Variants in DNASE1L3 observed in about 807,000 individuals in gnomAD.
The protein encoded by DNASE1L3 is deoxyribonuclease 1L3, also known as deoxyribonuclease gamma.
In DNASE1L3, 27 loss-of-function variants were observed where a neutral mutation model predicts 30.9. The ratio of observed to expected loss-of-function variants is 0.87; its 90% CI spans 0.64 to 1.20. DNASE1L3 has a LOEUF of 1.20. Among genes scored for constraint, DNASE1L3 ranks in the 50% most tolerant of loss-of-function variants. The pLI is 0.00. For synonymous variants in DNASE1L3, 135 were observed against 138.0 expected (o/e 0.98, Z 0.15); for missense variants, 364 against 378.2 (o/e 0.96, Z 0.31).
chr3:58,204,751 G>A lies in DNASE1L3; in HGVS notation c.433+18C>T, dbSNP rs762990904. 36 of 1,607,506 alleles carry A rather than the reference G, an allele frequency of 2.2e-5. 1 individual carries two copies. The South Asian group carries it at 3.7e-4, about 17-fold the overall frequency. Reference sequence around the variant, plus strand: ...CCGTTGGGGAGGTCCCAGACAGAAAGGCCTGTGTGGGTCTTACCAGTGTGG... The same window carrying A: ...CCGTTGGGGAGGTCCCAGACAGAAAAGCCTGTGTGGGTCTTACCAGTGTGG... On this transcript the variant is annotated intron_variant, in intron 4 of 7. Transcript: ENST00000394549.
chr3:58,199,738 C>T (rs1411831163), intron 5 of DNASE1L3, among the ~76,000 whole-genome samples: 1 of 151,804 alleles, frequency 6.6e-6, no homozygotes, highest in Non-Finnish European at 1.5e-5. Context: ...CACTTTTAGG[C>T]CACTGATGCC....
chr3:58,208,055 A>C, intron 2 of DNASE1L3, 163 bp downstream of exon 2: 1 of 569,988 alleles, frequency 1.8e-6, no homozygotes, highest in Admixed American at 3.0e-5. Context: ...ACTGGTTGAA[A>C]GTTCTCAGGA....
Position 58,201,049 on chromosome 3 carries a change from A to T in DNASE1L3, c.494T>A (p.Ile165Asn). The T allele has an allele frequency of 6.2e-7, 1 of 1,613,020 alleles. No homozygotes were observed. The highest frequency in any genetic ancestry group is 8.5e-7 in the Non-Finnish European group (1 of 1,179,466). ...HTTPETSVKE[I>N]DELVEVYTDV... ...CGTGTAGACCTCAACCAACTCATCG[A>T]TCTCCTTAACGGATGTCTCTGGGGT... The change falls in exon 5 of 8, where the codon ATC becomes AAC. Residue 165 changes from isoleucine (I) to asparagine (N), a missense_variant. Ile to Asn is a moderately radical substitution (Grantham distance 149, BLOSUM62 -3). Coordinates refer to ENST00000394549, the MANE Select transcript of DNASE1L3 (RefSeq NM_004944.4).
At chr3:58,208,998 G>T (rs1397122875) in intron 1 of DNASE1L3, among the ~76,000 whole-genome samples, 1 of 152,164 alleles carries the variant, frequency 6.6e-6, no homozygotes, top group Non-Finnish European at 1.5e-5. Flanking sequence ...CCAGCACTTT[G>T]GGAGGCCAAG....
rs775093470 is a variant in DNASE1L3, at chr3:58,192,779, G to C, written c.826C>G (p.Pro276Ala). 1 of 1,614,056 alleles carries C rather than the reference G, an allele frequency of 6.2e-7. No homozygotes were observed. The highest frequency in any genetic ancestry group is 1.7e-5 in the Admixed American group (1 of 60,016). ...EEALDVSDHF[P>A]VEFKLQSSRA... ...GAAGACTGTAGTTTAAATTCAACTG[G>C]AAAGTGGTCGCTGACATCCAGGGCC... is the stretch of plus-strand genomic sequence containing the variant. Residue 276 changes from proline (P) to alanine (A), a missense_variant, in exon 8 of 8, where the codon CCA becomes GCA. By Grantham distance (27) the Pro-to-Ala change is conservative. Transcript: ENST00000394549. This position sits in a 1 kb window ranked among gnomAD's most constrained non-coding sequence, Gnocchi z 4.8.
intron 6 of DNASE1L3, among the ~76,000 whole-genome samples, 200 bp from the exon 7 acceptor site, chr3:58,193,639 T>C (rs562100995): frequency 2.0e-5 from 3 of 152,220 alleles, no homozygotes; most frequent in Non-Finnish European, 4.4e-5. Context: ...CCTGCCATGG[T>C]TCTGTGGACA....
At chr3:58,198,728 G>A (rs2097398848) in intron 5 of DNASE1L3, among the ~76,000 whole-genome samples, 1 of 152,218 alleles carries the variant, frequency 6.6e-6, no homozygotes, top group Non-Finnish European at 1.5e-5. Flanking sequence ...ACTGTAGGGT[G>A]TAAATATACG....
At chr3:58,209,984 G>A (rs4681668) in intron 1 of DNASE1L3, among the ~76,000 whole-genome samples, 49,363 of 151,900 alleles carry the variant, frequency 0.32, 8,740 homozygotes, top group Middle Eastern at 0.39. Flanking sequence ...CAGTGTCCCC[G>A]GACATTGGGT....
chr3:58,195,669 C>G (rs2097396797), intron 6 of DNASE1L3, among the ~76,000 whole-genome samples: 2 of 145,084 alleles, frequency 1.4e-5, no homozygotes, highest in Non-Finnish European at 1.5e-5. Flanking sequence ...GCCTGTAATC[C>G]CAGCTACTTG....
intron 4 of DNASE1L3, among the ~76,000 whole-genome samples, chr3:58,202,144 G>T (rs1446811549): frequency 6.7e-6 from 1 of 148,348 alleles, no homozygotes; most frequent in African/African-American, 2.5e-5. Flanking sequence ...TTTTTTAAAG[G>T]TTTCCTTTTT....
intron 3 of DNASE1L3, 58 bp from the exon 4 acceptor site, chr3:58,204,939 A>G (rs2097403007): frequency 1.3e-6 from 2 of 1,522,266 alleles, no homozygotes; most frequent in Non-Finnish European, 1.8e-6. Context: ...TACTACTTTC[A>G]TGAAGCAGAG....
chr3:58,198,071 A>G, intron 5 of DNASE1L3, 93 bp from the exon 6 acceptor site: 1 of 1,371,008 alleles, frequency 7.3e-7, no homozygotes, highest in Non-Finnish European at 9.8e-7. Context: ...TCCCAGGCCC[A>G]GTAAACAACA....
At position 58,204,745 on chromosome 3, in the gene DNASE1L3, CAGAA is replaced by C; in HGVS notation, c.433+20_433+23del. 6.2e-7 allele frequency: 1 copy of C among 1,609,300 alleles called. No homozygotes were observed. On this transcript the variant is annotated intron_variant, in intron 4 of 7. Transcript: ENST00000394549. ...CATGGGCCGTTGGGGAGGTCCCAGA[CAGAA>C]AGGCCTGTGTGGGTCTTACCAGTGT...
intron 6 of DNASE1L3, 59 bp from the exon 7 acceptor site, chr3:58,193,498 A>T: frequency 6.9e-7 from 1 of 1,457,694 alleles, no homozygotes; most frequent in Non-Finnish European, 9.5e-7. Context: ...CTGAGATCAA[A>T]CCAAGGTCTG....
Position 58,197,886 on chromosome 3 carries a change from A to G in DNASE1L3, c.639T>C (p.Phe213=). 6.2e-7 allele frequency: 1 copy of G among 1,614,186 alleles called. No homozygotes were observed. Among genetic ancestry groups the G allele is most frequent in the African/African-American group, 1.3e-5 (1 of 75,040 alleles). ...CCTCTTGGTCCCCGATCAGCCAAAC[A>G]AACCTGGGGTCAGTCCTCAAGCGGA... ...KNIRLRTDPR[F]VWLIGDQEDT... Residue 213 remains phenylalanine (F), a synonymous_variant, in exon 6 of 8, where the codon TTT becomes TTC. Transcript: ENST00000394549. This position sits in a 1 kb window ranked among gnomAD's most constrained non-coding sequence, Gnocchi z 5.3.
chr3:58,201,141 A>G (rs1241405849), intron 4 of DNASE1L3, 32 bp from the exon 5 acceptor site: 1 of 1,564,682 alleles, frequency 6.4e-7, no homozygotes, highest in African/African-American at 1.3e-5. Flanking sequence ...GGGGTCACAC[A>G]CTTCCCCTGT....
rs374838291 is a variant in DNASE1L3, at chr3:58,204,818, A to G, written c.384T>C (p.Asp128=). The change falls in exon 4 of 8, where the codon GAT becomes GAC. Residue 128 remains aspartate, a synonymous_variant. Coordinates refer to ENST00000394549, the MANE Select transcript of DNASE1L3 (RefSeq NM_004944.4). ...HYHDYQDGDA[D]VFSREPFVVW... is the part of the protein sequence containing the mutation. ...CCACAAAGGGCTCCCTGGAAAACAC[A>G]TCTGCGTCTCCATCCTGATAGTCAT... 12 of 1,614,026 alleles carry G rather than the reference A, an allele frequency of 7.4e-6. No homozygotes were observed. In the Admixed American group the frequency reaches 1.8e-4, roughly 25 times the overall value.
chr3:58,196,310 C>T (rs1334966387), intron 6 of DNASE1L3, among the ~76,000 whole-genome samples: 4 of 150,852 alleles, frequency 2.7e-5, no homozygotes, highest in African/African-American at 7.3e-5. Flanking sequence ...TTTGGGAGGC[C>T]GAGGCGGGCG....
At position 58,197,745 on chromosome 3, in the gene DNASE1L3, G is replaced by A. The variant is rs2097398229; in HGVS notation, c.704+76C>T. On this transcript the variant is annotated intron_variant, in intron 6 of 7. Transcript: ENST00000394549. This position sits in a 1 kb window ranked among gnomAD's most constrained non-coding sequence, Gnocchi z 5.3. ...TAGGACTACTGGCGTGAGCCACAGT[G>A]CCCAGCCACCTTGCGTCTTTCCTAG... 2 of 1,601,792 alleles carry A rather than the reference G, an allele frequency of 1.2e-6. No individual in the cohort carries two copies. Among genetic ancestry groups the A allele is most frequent in the South Asian group, 2.2e-5 (2 of 90,120 alleles).
Sources: gnomAD v4.1 joint callset for allele counts (sites outside exome capture counted in the v4.1 genomes callset) on GRCh38, gnomAD v4.1.1 for gene constraint, Gnocchi (gnomAD v3.1) non-coding constraint, MANE v1.5 for transcripts, NCBI Gene and HGNC (gene_info 2026-07-23, HGNC 2026-07-21) for gene names.